The following INTS9 variants were observed in gnomAD, a reference collection of about 807,000 sequenced individuals.
INTS9 encodes integrator complex subunit 9.
INTS9 carries 55 observed loss-of-function variants against 79.7 expected under a neutral mutation model. The ratio of observed to expected loss-of-function variants is 0.69; its 90% confidence interval spans 0.56 to 0.86. The LOEUF is 0.86. Among genes scored for constraint, INTS9 ranks in the 40% least tolerant of loss-of-function variants. The pLI is 0.00. For missense variants in INTS9, 721 were observed against 831.5 expected (o/e 0.87, Z 1.64); for synonymous variants, 319 against 325.2 (o/e 0.98, Z 0.20).
intron 1 of INTS9, among the ~76,000 whole-genome samples, chr8:28,871,091 C>T (rs376999025): frequency 1.1e-3 from 167 of 152,264 alleles, no homozygotes; most frequent in African/African-American, 3.5e-3. Context: ...TGAGAAAAGG[C>T]TTTTCAATGG....
intron 1 of INTS9, among the ~76,000 whole-genome samples, chr8:28,880,580 G>A (rs1466907415): frequency 2.0e-5 from 3 of 151,476 alleles, no homozygotes; most frequent in Non-Finnish European, 3.0e-5. Flanking sequence ...GCCCAGGCTG[G>A]AGTGCAGCGG....
intron 2 of INTS9, among the ~76,000 whole-genome samples, chr8:28,853,185 C>T (rs1290055049): frequency 2.0e-5 from 3 of 152,040 alleles, no homozygotes; most frequent in East Asian, 3.9e-4. Context: ...GAGGCCGAGG[C>T]GGATGGATCA....
At chr8:28,772,293 G>T (rs948075622) in intron 14 of INTS9, among the ~76,000 whole-genome samples, 1 of 152,208 alleles carries the variant, frequency 6.6e-6, no homozygotes, top group Non-Finnish European at 1.5e-5. Context: ...GGGAGGCCAC[G>T]GTGGGCAGAC....
intron 8 of INTS9, 96 bp from the exon 9 acceptor site, chr8:28,796,751 C>T (rs1037049660): frequency 2.6e-5 from 21 of 794,340 alleles, no homozygotes; most frequent in East Asian, 5.2e-5. Flanking sequence ...GCTCTTTCTA[C>T]GTTTAACCCA....
chr8:28,780,901 G>A lies in INTS9; in HGVS notation c.1192C>T (p.Pro398Ser), dbSNP rs202065556. 6.2e-6 allele frequency: 10 copies of A among 1,614,058 alleles called. No individual in the cohort carries two copies. The highest frequency in any genetic ancestry group is 8.5e-6 in the Non-Finnish European group (10 of 1,180,038). ...RQPCVVFTGH[P>S]SLRFGDVVHF... ...ACCACGTCCCCGAAGCGGAGGGAAG[G>A]GTGCCCGGTGAACACCACACAGGGC... Residue 398 changes from proline to serine, a missense_variant, in exon 12 of 17, where the codon CCT becomes TCT. Transcript: ENST00000521022.
At chr8:28,797,366 A>C (rs1026481641) in intron 8 of INTS9, among the ~76,000 whole-genome samples, 5 of 152,192 alleles carry the variant, frequency 3.3e-5, no homozygotes, top group African/African-American at 1.2e-4. Context: ...GGGAACTAGA[A>C]GGTCAAATCT....
At chr8:28,859,652 CTCA>C (rs1563303088) in intron 1 of INTS9, 89 bp from the exon 2 acceptor site, 2 of 1,381,108 alleles carry the variant, frequency 1.4e-6, no homozygotes, top group African/African-American at 2.9e-5. Flanking sequence ...ACGATCTTCT[CTCA>C]TAAGACCAGC....
At chr8:28,769,755 C>G in intron 16 of INTS9, 134 bp downstream of exon 16, 1 of 1,200,124 alleles carries the variant, frequency 8.3e-7, no homozygotes, top group Non-Finnish European at 1.2e-6. Context: ...GACCTTAGAC[C>G]AAACAGATGC....
At chr8:28,776,913 C>G (rs908772519) in intron 13 of INTS9, among the ~76,000 whole-genome samples, 1 of 152,182 alleles carries the variant, frequency 6.6e-6, no homozygotes, top group Non-Finnish European at 1.5e-5. Flanking sequence ...CTGCTTCTAA[C>G]GTGGATGAGC....
At chr8:28,811,917 A>G (rs1805173166) in intron 8 of INTS9, among the ~76,000 whole-genome samples, 1 of 151,626 alleles carries the variant, frequency 6.6e-6, no homozygotes, top group Non-Finnish European at 1.5e-5. Context: ...AACATCATCA[A>G]CTCCCCTACA....
At chr8:28,828,338 A>C (rs1806270871) in intron 6 of INTS9, among the ~76,000 whole-genome samples, 1 of 152,250 alleles carries the variant, frequency 6.6e-6, no homozygotes, top group Non-Finnish European at 1.5e-5. Flanking sequence ...AGTTAACAAA[A>C]GCAGATTATG....
intron 4 of INTS9, among the ~76,000 whole-genome samples, chr8:28,845,575 G>A (rs1807458254): frequency 6.6e-6 from 1 of 152,180 alleles, no homozygotes; most frequent in African/African-American, 2.4e-5. Flanking sequence ...TTCTACAGTG[G>A]TGTCCATAAA....
chr8:28,861,772 T>C (rs929778090), intron 1 of INTS9, among the ~76,000 whole-genome samples: 3 of 152,268 alleles, frequency 2.0e-5, no homozygotes, highest in African/African-American at 2.4e-5. Context: ...GAAAGTTCGC[T>C]GGAAGACTTT....
intron 3 of INTS9, among the ~76,000 whole-genome samples, chr8:28,849,731 C>T (rs147049403): frequency 8.4e-4 from 128 of 152,194 alleles, no homozygotes; most frequent in African/African-American, 3.0e-3. Context: ...CTTCTGTGGC[C>T]TCTCATTACC....
At chr8:28,840,824 G>A (rs1310864483) in intron 4 of INTS9, among the ~76,000 whole-genome samples, 5 of 150,830 alleles carry the variant, frequency 3.3e-5, no homozygotes, top group Admixed American at 2.0e-4. Flanking sequence ...ATAGCATTAA[G>A]AGATATACCT....
At chr8:28,811,772 T>C (rs1305030596) in intron 8 of INTS9, among the ~76,000 whole-genome samples, 1 of 152,174 alleles carries the variant, frequency 6.6e-6, no homozygotes, top group Admixed American at 6.5e-5. Flanking sequence ...TCCCATTGGC[T>C]TTCCTGGGCA....
At chr8:28,817,830 T>C (rs1805587435) in intron 6 of INTS9, among the ~76,000 whole-genome samples, 1 of 150,562 alleles carries the variant, frequency 6.6e-6, no homozygotes, top group Non-Finnish European at 1.5e-5. Context: ...TTTTATTTCA[T>C]TGAGCAGTTG....
chr8:28,770,145 T>C (rs1241277530), intron 15 of INTS9, 119 bp from the exon 16 acceptor site: 3 of 1,313,714 alleles, frequency 2.3e-6, no homozygotes, highest in African/African-American at 3.0e-5. Flanking sequence ...CCCGGCCCGG[T>C]TTCCTCAGCC....
At chr8:28,885,084 G>A (rs925800990) in intron 1 of INTS9, among the ~76,000 whole-genome samples, 1 of 152,212 alleles carries the variant, frequency 6.6e-6, no homozygotes, top group Admixed American at 6.5e-5. Context: ...TCCACTGGGA[G>A]CAGTCCATGA....
Sources: gnomAD v4.1 joint callset for allele counts (sites outside exome capture counted in the v4.1 genomes callset) on GRCh38, gnomAD v4.1.1 for gene constraint, MANE v1.5 for transcripts, NCBI Gene and HGNC (gene_info 2026-07-23, HGNC 2026-07-21) for gene names.